Variants in CDH18 observed in about 807,000 individuals in gnomAD.
The protein encoded by CDH18 is cadherin 18.
A neutral mutation model predicts 67.9 loss-of-function variants in CDH18; 31 were observed. That is an observed-to-expected ratio of 0.46 (90% CI 0.34 to 0.62). CDH18 has a LOEUF of 0.62. Among genes scored for constraint, CDH18 ranks in the 20% least tolerant of loss-of-function variants. The pLI, the probability that CDH18 is intolerant of heterozygous loss-of-function variation, is 0.01. For synonymous variants in CDH18, 362 were observed against 347.2 expected, an observed-to-expected ratio of 1.04 and a Z score of -0.48; for missense variants, 890 against 975.5, an observed-to-expected ratio of 0.91 and a Z score of 1.17.
Position 20,525,429 on chromosome 5 carries a change from A to T in CDH18, c.-580+50033T>A, listed in dbSNP as rs148126829. Among the ~76,000 whole-genome samples, 183 of 152,208 alleles carry T rather than the reference A, an allele frequency of 1.2e-3. 1 individual carries two copies. Among genetic ancestry groups the T allele is most frequent in the Admixed American group, 4.3e-3 (65 of 15,280 alleles). Reference sequence around the variant, plus strand: ...CGCAGAATTTACAGGCTGAAAAGCAACACCCTGGAAATCAGAGGGGGCAGA... The same window carrying T: ...CGCAGAATTTACAGGCTGAAAAGCATCACCCTGGAAATCAGAGGGGGCAGA... On this transcript the variant is annotated intron_variant, in intron 1 of 14. Transcript: ENST00000507958.
At chr5:19,480,408 ACT>A (rs1251173154) in intron 12 of CDH18, among the ~76,000 whole-genome samples, 1 of 150,048 alleles carries the variant, frequency 6.7e-6, no homozygotes, top group African/African-American at 2.4e-5. Context: ...ATGGAGTCTC[ACT>A]CTGTCATCCA....
At chr5:19,754,477 T>C (rs1344711013) in intron 3 of CDH18, among the ~76,000 whole-genome samples, 2 of 152,160 alleles carry the variant, frequency 1.3e-5, no homozygotes, top group Non-Finnish European at 2.9e-5. Flanking sequence ...ATCTTAAACA[T>C]ATATGTACCT....
At chr5:20,398,164 C>T (rs1171154714) in intron 1 of CDH18, among the ~76,000 whole-genome samples, 3 of 152,020 alleles carry the variant, frequency 2.0e-5, no homozygotes, top group Non-Finnish European at 2.9e-5. Flanking sequence ...CCTAAATATA[C>T]AATATTTCCC....
At chr5:20,008,578 G>C (rs1467082114) in intron 2 of CDH18, among the ~76,000 whole-genome samples, 1 of 152,062 alleles carries the variant, frequency 6.6e-6, no homozygotes, top group Non-Finnish European at 1.5e-5. Flanking sequence ...TTAGCTAATA[G>C]CTATCTGGTA....
chr5:20,254,263 C>A (rs1475133350), intron 2 of CDH18, among the ~76,000 whole-genome samples: 2 of 152,112 alleles, frequency 1.3e-5, no homozygotes, highest in East Asian at 1.9e-4. Context: ...CAGGCACGTG[C>A]CACCACACCT....
intron 5 of CDH18, among the ~76,000 whole-genome samples, chr5:19,619,040 C>T (rs1460761874): frequency 6.6e-6 from 1 of 151,872 alleles, no homozygotes; most frequent in Admixed American, 6.6e-5. Flanking sequence ...ATATTATATG[C>T]TATATATATT....
At chr5:20,389,779 C>A (rs1007589356) in intron 1 of CDH18, among the ~76,000 whole-genome samples, 1 of 152,008 alleles carries the variant, frequency 6.6e-6, no homozygotes, top group Non-Finnish European at 1.5e-5. Flanking sequence ...GGTACTGGTA[C>A]CAAAACAGAG....
intron 3 of CDH18, among the ~76,000 whole-genome samples, chr5:19,789,042 C>T (rs999549229): frequency 2.0e-5 from 3 of 152,140 alleles, no homozygotes; most frequent in Admixed American, 1.3e-4. Flanking sequence ...TCTTCTCCAC[C>T]TTTCTGTATT....
intron 2 of CDH18, among the ~76,000 whole-genome samples, chr5:20,226,721 G>T (rs1264227443): frequency 2.0e-5 from 3 of 151,904 alleles, no homozygotes; most frequent in African/African-American, 7.3e-5. Flanking sequence ...ATCATATAAA[G>T]TGGAATAATT....
intron 1 of CDH18, among the ~76,000 whole-genome samples, chr5:20,332,654 AC>A (rs1407240782): frequency 6.6e-6 from 1 of 152,242 alleles, no homozygotes; most frequent in Non-Finnish European, 1.5e-5. Flanking sequence ...ATTTCTAGTA[AC>A]AAAAATGTCA....
intron 11 of CDH18, among the ~76,000 whole-genome samples, chr5:19,497,643 A>C (rs2126719388): frequency 6.6e-6 from 1 of 152,360 alleles, no homozygotes; most frequent in South Asian, 2.1e-4. Context: ...AAGCAGATTT[A>C]GATATTAAAT....
At chr5:19,793,861 T>C (rs1218686072) in intron 3 of CDH18, among the ~76,000 whole-genome samples, 2 of 152,032 alleles carry the variant, frequency 1.3e-5, no homozygotes, top group Non-Finnish European at 2.9e-5. Context: ...GATATACAAT[T>C]TGAAGAGAAG....
intron 11 of CDH18, among the ~76,000 whole-genome samples, chr5:19,498,294 A>C (rs1671967758): frequency 6.6e-6 from 1 of 152,172 alleles, no homozygotes; most frequent in African/African-American, 2.4e-5. Flanking sequence ...TCTGGAAGAA[A>C]ATAAAAAATT....
chr5:20,209,200 A>G (rs1740155024), intron 2 of CDH18, among the ~76,000 whole-genome samples: 1 of 152,124 alleles, frequency 6.6e-6, no homozygotes, highest in Non-Finnish European at 1.5e-5. Context: ...TGTAGTTGCC[A>G]TAAAAATACT....
intron 2 of CDH18, among the ~76,000 whole-genome samples, chr5:19,898,332 CCAAT>C (rs1789566970): frequency 7.5e-6 from 1 of 133,922 alleles, no homozygotes; most frequent in African/African-American, 2.8e-5. Flanking sequence ...TACATGTAGT[CCAAT>C]CATTGTTCTT....
intron 1 of CDH18, among the ~76,000 whole-genome samples, chr5:20,394,887 C>T (rs189863756): frequency 1.3e-5 from 2 of 151,904 alleles, no homozygotes; most frequent in East Asian, 1.9e-4. Context: ...AATAAGATAC[C>T]ACCTTACCCC....
At position 19,545,710 on chromosome 5, in the gene CDH18, T is replaced by C. The variant is rs926008144; in HGVS notation, c.1254-1705A>G. ...TGATAGGCCCCTTTACTGAGGTGGA[T>C]AAAAAGAGCTGGGGAAAGGTAGTTT... On this transcript the variant is annotated intron_variant, in intron 8 of 12. Transcript: ENST00000382275. Among the ~76,000 whole-genome samples the C allele has an allele frequency of 4.6e-5, 7 of 152,080 alleles. 1 individual carries two copies. Among genetic ancestry groups the C allele is most frequent in the Admixed American group, 4.6e-4 (7 of 15,254 alleles).
chr5:19,549,347 C>T (rs1024164749), intron 8 of CDH18, among the ~76,000 whole-genome samples: 1 of 152,150 alleles, frequency 6.6e-6, no homozygotes, highest in African/African-American at 2.4e-5. Flanking sequence ...CACCTTCTGC[C>T]ATGACTGTAA....
At chr5:20,217,847 A>G (rs1740900341) in intron 2 of CDH18, among the ~76,000 whole-genome samples, 1 of 151,912 alleles carries the variant, frequency 6.6e-6, no homozygotes, top group African/African-American at 2.4e-5. Context: ...AGAAACCATA[A>G]AAGAGCACGA....
Sources: gnomAD v4.1 joint callset for allele counts (sites outside exome capture counted in the v4.1 genomes callset) on GRCh38, gnomAD v4.1.1 for gene constraint, MANE v1.5 for transcripts, NCBI Gene and HGNC (gene_info 2026-07-23, HGNC 2026-07-21) for gene names.